GRM7: variants seen among roughly 807,000 people sequenced by gnomAD.
GRM7 encodes the protein metabotropic glutamate receptor 7.
A neutral mutation model predicts 84.5 loss-of-function variants in GRM7; 35 were observed. That is an observed-to-expected ratio of 0.41 (90% CI 0.32 to 0.55). GRM7 has a LOEUF of 0.55. Among genes scored for constraint, GRM7 ranks in the 20% least tolerant of loss-of-function variants. The pLI is 0.19. For synonymous variants in GRM7, 487 were observed against 455.1 expected (o/e 1.07, Z -0.89); for missense variants, 1,003 against 1,194.6 (o/e 0.84, Z 2.36).
At chr3:7,645,860 G>A (rs888021375) in intron 8 of GRM7, among the ~76,000 whole-genome samples, 1 of 152,150 alleles carries the variant, frequency 6.6e-6, no homozygotes, top group Non-Finnish European at 1.5e-5. Flanking sequence ...AGTCTCCTGG[G>A]AGTACACTGA....
At chr3:7,585,876 G>A (rs533964022) in intron 8 of GRM7, among the ~76,000 whole-genome samples, 1 of 152,188 alleles carries the variant, frequency 6.6e-6, no homozygotes, top group African/African-American at 2.4e-5. Context: ...GGCAGTCAGG[G>A]GACTGCCAAA....
chr3:7,065,809 T>C (rs1383704928), intron 1 of GRM7, among the ~76,000 whole-genome samples: 6 of 151,802 alleles, frequency 4.0e-5, no homozygotes, highest in Non-Finnish European at 7.4e-5. Context: ...TTATTGATTC[T>C]ACCCATCTAT....
chr3:7,074,007 A>G (rs1012595329), intron 1 of GRM7, among the ~76,000 whole-genome samples: 1 of 152,314 alleles, frequency 6.6e-6, no homozygotes, highest in Non-Finnish European at 1.5e-5. Flanking sequence ...TTACTTGCAA[A>G]ACATTGCTGG....
chr3:7,597,413 A>C (rs921469038), intron 8 of GRM7, among the ~76,000 whole-genome samples: 5 of 152,148 alleles, frequency 3.3e-5, no homozygotes, highest in Non-Finnish European at 5.9e-5. Context: ...CAAATATCCA[A>C]ACTATAGCAC....
chr3:7,141,368 C>T (rs1286041199), intron 1 of GRM7, among the ~76,000 whole-genome samples: 1 of 151,648 alleles, frequency 6.6e-6, no homozygotes, highest in African/African-American at 2.4e-5. Context: ...TATTTAGAAA[C>T]AAAGTTAAGG....
chr3:7,282,365 G>A (rs918774872), intron 2 of GRM7, among the ~76,000 whole-genome samples: 1 of 152,148 alleles, frequency 6.6e-6, no homozygotes, highest in Non-Finnish European at 1.5e-5. Flanking sequence ...GCCTTTTCCA[G>A]ATTGTAGAGG....
chr3:7,455,530 C>T (rs1697972641), intron 6 of GRM7, among the ~76,000 whole-genome samples: 1 of 152,136 alleles, frequency 6.6e-6, no homozygotes, highest in South Asian at 2.1e-4. Flanking sequence ...ATGCTTACAG[C>T]ATCGCTTCTG....
At chr3:7,323,047 C>T (rs900154719) in intron 4 of GRM7, among the ~76,000 whole-genome samples, 3 of 152,074 alleles carry the variant, frequency 2.0e-5, no homozygotes, top group Admixed American at 1.3e-4. Flanking sequence ...ACTGGAGTCT[C>T]GCTTCCCCCT....
chr3:6,887,372 C>A (rs937576656), intron 1 of GRM7, among the ~76,000 whole-genome samples: 11 of 151,688 alleles, frequency 7.3e-5, no homozygotes, highest in Non-Finnish European at 1.5e-4. Context: ...TAATGCTATC[C>A]CTCCCCCCTT....
At position 7,740,645 on chromosome 3, in the gene GRM7, T is replaced by G; in HGVS notation, c.*239T>G. On this transcript the variant is annotated 3_prime_UTR_variant, in exon 10 of 10. Transcript: ENST00000357716. ...GCCAACTCGGCTGCAATTGTGGACC[T>G]TCCCTACCAAAGGGAGTGTTGAAAC... 8.1e-6 allele frequency: 3 copies of G among 370,798 alleles called. No individual in the cohort carries two copies. Among genetic ancestry groups the G allele is most frequent in the Non-Finnish European group, 1.4e-5 (3 of 208,946 alleles). 23.0% of individuals were successfully genotyped at this position (370,798 alleles called of 1,614,324 possible).
intron 7 of GRM7, among the ~76,000 whole-genome samples, chr3:7,519,585 G>A (rs1470382933): frequency 2.6e-5 from 4 of 152,132 alleles, no homozygotes; most frequent in African/African-American, 4.8e-5. Flanking sequence ...AGTTAACAAC[G>A]AAGCAAAATT....
rs566889306 is a variant in GRM7 at position 7,626,223 on chromosome 3, G to A, written c.2451+46866G>A. On this transcript the variant is annotated intron_variant, in intron 8 of 9. Transcript: ENST00000357716. ...CCTCCCAGAACCTCACTTTGACAAC[G>A]TGGCTCACTAATTGCTACTGGGTAG... is the stretch of plus-strand genomic sequence containing the variant. Among the ~76,000 whole-genome samples, 9 of 152,210 alleles carry A rather than the reference G, an allele frequency of 5.9e-5. 1 individual carries two copies. The highest frequency in any genetic ancestry group is 3.4e-3 in the Middle Eastern group (1 of 294).
intron 2 of GRM7, among the ~76,000 whole-genome samples, chr3:7,260,724 C>T (rs1303518310): frequency 2.5e-5 from 3 of 117,814 alleles, no homozygotes; most frequent in African/African-American, 8.4e-5. Flanking sequence ...TCATTCAGTT[C>T]AGCTCTGATT....
At chr3:6,878,359 G>T (rs1189647553) in intron 1 of GRM7, among the ~76,000 whole-genome samples, 1 of 146,460 alleles carries the variant, frequency 6.8e-6, no homozygotes, top group Non-Finnish European at 1.5e-5. Flanking sequence ...CTTTCAAAGG[G>T]TGATTTTTTA....
intron 8 of GRM7, among the ~76,000 whole-genome samples, chr3:7,595,908 T>C (rs1031122474): frequency 6.6e-6 from 1 of 152,126 alleles, no homozygotes; most frequent in Admixed American, 6.6e-5. Context: ...TTTTGCATTG[T>C]ATGGGATGTC....
At chr3:6,978,368 C>T (rs1239233456) in intron 1 of GRM7, among the ~76,000 whole-genome samples, 1 of 152,014 alleles carries the variant, frequency 6.6e-6, no homozygotes, top group Non-Finnish European at 1.5e-5. Context: ...GCTTTTAGAC[C>T]TATTGGAGAA....
At chr3:7,307,041 T>C (rs185537187) in intron 4 of GRM7, among the ~76,000 whole-genome samples, 75 of 152,222 alleles carry the variant, frequency 4.9e-4, no homozygotes, top group African/African-American at 1.6e-3. Flanking sequence ...TTAGAAGAAG[T>C]ACAAGAACCC....
At chr3:7,339,411 T>A (rs945360546) in intron 4 of GRM7, among the ~76,000 whole-genome samples, 3 of 152,134 alleles carry the variant, frequency 2.0e-5, no homozygotes, top group African/African-American at 4.8e-5. Context: ...GTTCAAACTT[T>A]CCGTTGCAAT....
chr3:7,477,039 C>T (rs1028020324), intron 7 of GRM7, among the ~76,000 whole-genome samples: 1 of 152,198 alleles, frequency 6.6e-6, no homozygotes, highest in Non-Finnish European at 1.5e-5. Context: ...AGCACTGTCT[C>T]TTCCAGGGCC....
Sources: allele counts gnomAD v4.1 joint callset (sites outside exome capture counted in the v4.1 genomes callset), GRCh38; gene constraint gnomAD v4.1.1; transcripts MANE v1.5; gene names NCBI Gene and HGNC (gene_info 2026-07-23, HGNC 2026-07-21).